IFIT1: variants seen among roughly 807,000 people sequenced by gnomAD.
The protein encoded by IFIT1 is antiviral innate immune response effector IFIT1.
IFIT1 carries 1 observed loss-of-function variant against 2.5 expected under a neutral mutation model. The observed-to-expected ratio is 0.40, with a 90% CI of 0.14 to 1.92. The LOEUF (loss-of-function observed/expected upper bound fraction) is 1.92, where lower values mean the gene tolerates loss of function less well. IFIT1 is among the 40% of genes most tolerant of loss of function. The pLI is 0.31. For missense variants in IFIT1, 508 were observed against 557.8 expected, an observed-to-expected ratio of 0.91 and a Z score of 0.90; for synonymous variants, 191 against 201.7, an observed-to-expected ratio of 0.95 and a Z score of 0.45.
Position 89,403,756 on chromosome 10 carries a change from C to A in IFIT1, c.*44C>A. ...CTTTCACATTTCATTTCATTTTATGCTAACATTTACTAATCATCTTTTCTG... is the reference window on the plus strand; with the variant it reads ...CTTTCACATTTCATTTCATTTTATGATAACATTTACTAATCATCTTTTCTG... On this transcript the variant is annotated 3_prime_UTR_variant, in exon 2 of 2. Coordinates refer to ENST00000371804, the MANE Select transcript of IFIT1 (RefSeq NM_001548.5). 1 of 982,870 alleles carries A rather than the reference C, an allele frequency of 1.0e-6. No homozygotes were observed. Among genetic ancestry groups the A allele is most frequent in the Non-Finnish European group, 1.5e-6 (1 of 651,596 alleles). 60.9% of individuals were successfully genotyped at this position (982,870 alleles called of 1,614,324 possible).
At position 89,403,521 on chromosome 10, in the gene IFIT1, G is replaced by C; in HGVS notation, c.1246G>C (p.Asp416His). 1 of 1,613,742 alleles carries C rather than the reference G, an allele frequency of 6.2e-7. No homozygotes were observed. Among genetic ancestry groups the C allele is most frequent in the Non-Finnish European group, 8.5e-7 (1 of 1,179,792 alleles). Reference sequence around the variant, plus strand: ...AATAGAACAGGCATCATTAACAAGGGATAAAAGTATCAATTCTTTGAAGAA... The same window carrying C: ...AATAGAACAGGCATCATTAACAAGGCATAAAAGTATCAATTCTTTGAAGAA... ...IKIEQASLTRDKSINSLKKLV... is the reference protein window; with the variant it reads ...IKIEQASLTRHKSINSLKKLV... Residue 416 changes from aspartate (D) to histidine (H), a missense_variant, in exon 2 of 2, where the codon GAT becomes CAT. Transcript: ENST00000371804.
intron 1 of IFIT1, among the ~76,000 whole-genome samples, chr10:89,397,681 AT>A (rs113650131): frequency 4.0e-5 from 6 of 151,550 alleles, no homozygotes; most frequent in Admixed American, 6.6e-5. Flanking sequence ...GATCCAGAGC[AT>A]TTTTTTTCAT....
intron 1 of IFIT1, among the ~76,000 whole-genome samples, chr10:89,401,241 G>C (rs303214): frequency 1 from 152,085 of 152,098 alleles, 76,036 homozygotes; most frequent in Middle Eastern, 1. Context: ...CTCAGCCTCC[G>C]AAGTAGCTGG....
intron 1 of IFIT1, among the ~76,000 whole-genome samples, chr10:89,401,140 T>G (rs1844415860): frequency 6.6e-6 from 1 of 151,510 alleles, no homozygotes; most frequent in Admixed American, 6.6e-5. Flanking sequence ...TTTTTGAGAC[T>G]GAGTTTCTCT....
At position 89,404,011 on chromosome 10, in the gene IFIT1, G is replaced by T; in HGVS notation, c.*299G>T. On this transcript the variant is annotated 3_prime_UTR_variant, in exon 2 of 2. Transcript: ENST00000371804. ...AAATGTTTAATTCATTCATTTTATT[G>T]TGAAATAAAAATAAAATCCTTAGCT... 2 of 241,482 alleles carry T rather than the reference G, an allele frequency of 8.3e-6. No individual in the cohort carries two copies. Among genetic ancestry groups the T allele is most frequent in the South Asian group, 2.7e-4 (2 of 7,308 alleles). 15.0% of individuals were successfully genotyped at this position (241,482 alleles called of 1,614,324 possible). A position where few individuals can be genotyped will look rare whatever the true frequency, so the allele number is the denominator to read the frequency against.
At chr10:89,397,810 C>T in intron 1 of IFIT1, among the ~76,000 whole-genome samples, 1 of 152,168 alleles carries the variant, frequency 6.6e-6, no homozygotes, top group East Asian at 1.9e-4. Context: ...TGAGAGTCTT[C>T]TCTGTATTAC....
At chr10:89,396,429 G>C (rs920510782) in intron 1 of IFIT1, among the ~76,000 whole-genome samples, 1 of 152,174 alleles carries the variant, frequency 6.6e-6, no homozygotes, top group Non-Finnish European at 1.5e-5. Flanking sequence ...AAAACACACT[G>C]GAGAAGGTCA....
rs1554880750 is a variant in IFIT1, at chr10:89,394,596, A to ATATTT, written c.5+1882_5+1883insTTTAT. Among the ~76,000 whole-genome samples, 137 of 15,486 alleles carry ATATTT rather than the reference A, an allele frequency of 8.8e-3. 1 individual carries two copies. The highest frequency in any genetic ancestry group is 0.062 in the East Asian group (28 of 450). The allele number at this position is 15,486 out of a possible 152,430, so 10.2% of individuals were successfully genotyped here. On this transcript the variant is annotated intron_variant, in intron 1 of 1. Coordinates refer to ENST00000371804, the MANE Select transcript of IFIT1 (RefSeq NM_001548.5). The stretch of plus-strand genomic sequence containing the variant: ...CAGGAAAATATATATATATATATAT[A>ATATTT]TATATATATATATATATATATATAT...
At chr10:89,396,304 A>C (rs572747138) in intron 1 of IFIT1, among the ~76,000 whole-genome samples, 2 of 152,182 alleles carry the variant, frequency 1.3e-5, no homozygotes, top group African/African-American at 2.4e-5. Flanking sequence ...ACAATTTCTA[A>C]GGCTGGGCAA....
rs2133640373 is a variant in IFIT1 at position 89,406,364 on chromosome 10, G to A, written c.*2652G>A. ...AAAATGGACCAATCAGCAGGATGTGGGTGGGGCCAAGTAAGGGAATAAAAG... is the reference window on the plus strand; with the variant it reads ...AAAATGGACCAATCAGCAGGATGTGAGTGGGGCCAAGTAAGGGAATAAAAG... On this transcript the variant is annotated 3_prime_UTR_variant, in exon 2 of 2. Transcript: ENST00000371804. 6.6e-6 allele frequency: 1 copy of A among 152,288 alleles called. No homozygotes were observed. Among genetic ancestry groups the A allele is most frequent in the African/African-American group, 2.4e-5 (1 of 41,520 alleles). The allele number at this position is 152,288 out of a possible 1,614,324, so 9.4% of individuals were successfully genotyped here.
Position 89,403,025 on chromosome 10 carries a change from G to A in IFIT1, c.750G>A (p.Gln250=). The A allele has an allele frequency of 6.2e-7, 1 of 1,614,222 alleles. No homozygotes were observed. Among genetic ancestry groups the A allele is most frequent in the East Asian group, 2.2e-5 (1 of 44,892 alleles). Residue 250 remains glutamine (Q), a synonymous_variant, in exon 2 of 2, where the codon CAG becomes CAA. Transcript: ENST00000371804. The part of the protein sequence containing the change: ...IEEALANMSS[Q]TYVFRYAAKF... ...AAGCTCTAGCCAACATGTCCTCACA[G>A]ACCTATGTCTTTCGATATGCAGCCA...
chr10:89,403,094 A>G lies in IFIT1; in HGVS notation c.819A>G (p.Leu273=). ...RKGSVDKALE[L]LKKALQETPT... ...GCTCTGTGGATAAAGCTCTTGAGTT[A>G]TTAAAAAAGGCCTTGCAGGAAACAC... Residue 273 remains leucine (L), a synonymous_variant, in exon 2 of 2, where the codon TTA becomes TTG. Coordinates refer to ENST00000371804, the MANE Select transcript of IFIT1 (RefSeq NM_001548.5). 3 of 1,614,232 alleles carry G rather than the reference A, an allele frequency of 1.9e-6. 1 individual carries two copies. The South Asian group carries it at 3.3e-5, about 18-fold the overall frequency.
rs1844274482 is a variant in IFIT1 at position 89,392,683 on chromosome 10, T to A, written c.-30T>A. 1 of 1,613,764 alleles carries A rather than the reference T, an allele frequency of 6.2e-7. No individual in the cohort carries two copies. The highest frequency in any genetic ancestry group is 8.5e-7 in the Non-Finnish European group (1 of 1,179,766). On this transcript the variant is annotated 5_prime_UTR_variant, in exon 1 of 2. Transcript: ENST00000371804. The stretch of plus-strand genomic sequence containing the variant: ...AGAGGAGCCTGGCTAAGCAAAACCC[T>A]GCAGAACGGCTGCCTAATTTACAGC...
rs1034715595 is a variant in IFIT1, at chr10:89,393,039, G to A, written c.5+322G>A. 1.0e-5 allele frequency: 9 copies of A among 875,228 alleles called. No individual in the cohort carries two copies. The South Asian group carries it at 1.3e-4, about 13-fold the overall frequency. The allele number at this position is 875,228 out of a possible 1,614,324, so 54.2% of individuals were successfully genotyped here. On this transcript the variant is annotated intron_variant, in intron 1 of 1. Transcript: ENST00000371804. ...CAATCTGAGAGATTCTTTCCCATCAGATTCACTTCTGTCTGATATGGGGAA... is the reference window on the plus strand; with the variant it reads ...CAATCTGAGAGATTCTTTCCCATCAAATTCACTTCTGTCTGATATGGGGAA...
chr10:89,403,083 G>A lies in IFIT1; in HGVS notation c.808G>A (p.Ala270Thr), dbSNP rs757151697. 1.1e-5 allele frequency: 18 copies of A among 1,614,064 alleles called. No individual in the cohort carries two copies. The highest frequency in any genetic ancestry group is 1.4e-5 in the Non-Finnish European group (16 of 1,180,050). Residue 270 changes from alanine to threonine, a missense_variant, in exon 2 of 2, where the codon GCT (alanine) becomes ACT (threonine). Transcript: ENST00000371804. ...CCGAAGAAAAGGCTCTGTGGATAAA[G>A]CTCTTGAGTTATTAAAAAAGGCCTT... ...FYRRKGSVDK[A>T]LELLKKALQE... is the part of the protein sequence containing the mutation.
chr10:89,398,161 T>C (rs1171825397), intron 1 of IFIT1, among the ~76,000 whole-genome samples: 1 of 152,168 alleles, frequency 6.6e-6, no homozygotes, highest in Non-Finnish European at 1.5e-5. Context: ...GGTCAGAAGG[T>C]TCTGCAGAGC....
At chr10:89,394,776 A>G (rs184325963) in intron 1 of IFIT1, among the ~76,000 whole-genome samples, 4 of 151,982 alleles carry the variant, frequency 2.6e-5, no homozygotes, top group African/African-American at 7.3e-5. Context: ...CATCATCACT[A>G]TCTAGTTCAA....
Position 89,402,760 on chromosome 10 carries a change from C to T in IFIT1, c.485C>T (p.Ala162Val), listed in dbSNP as rs755675135. ...GGAAAAAATTATGAACGGGCCAAGGCCTGCTTTGAAAAGGTGCTTGAAGTG... is the reference window on the plus strand; with the variant it reads ...GGAAAAAATTATGAACGGGCCAAGGTCTGCTTTGAAAAGGTGCTTGAAGTG... ...CGGKNYERAKACFEKVLEVDP... is the reference protein window; with the variant it reads ...CGGKNYERAKVCFEKVLEVDP... Residue 162 changes from alanine to valine, a missense_variant, in exon 2 of 2, where the codon GCC (alanine) becomes GTC (valine). Transcript: ENST00000371804. The T allele has an allele frequency of 2.5e-6, 4 of 1,614,174 alleles. No individual in the cohort carries two copies. In the South Asian group the frequency reaches 4.4e-5, roughly 18 times the overall value.
chr10:89,399,065 C>T (rs1270081190), intron 1 of IFIT1, among the ~76,000 whole-genome samples: 1 of 151,950 alleles, frequency 6.6e-6, no homozygotes, highest in Non-Finnish European at 1.5e-5. Flanking sequence ...TAATAGCCAA[C>T]CTAACAGACA....
Sources: allele counts gnomAD v4.1 joint callset (sites outside exome capture counted in the v4.1 genomes callset), GRCh38; gene constraint gnomAD v4.1.1; transcripts MANE v1.5; gene names NCBI Gene and HGNC (gene_info 2026-07-23, HGNC 2026-07-21).